Variants in ASAP2 observed in about 807,000 individuals in gnomAD.
The protein encoded by ASAP2 is arf-GAP with SH3 domain, ANK repeat and PH domain-containing protein 2.
In ASAP2, 45 loss-of-function variants were observed where a neutral mutation model predicts 131.4. That is an observed-to-expected ratio of 0.34 (90% CI 0.27 to 0.44). The LOEUF (loss-of-function observed/expected upper bound fraction) is 0.44. ASAP2 is among the 20% of genes least tolerant of loss of function. The pLI, the probability that ASAP2 is intolerant of heterozygous loss-of-function variation, is 1.00. For missense variants in ASAP2, 1,011 were observed against 1,297.0 expected (o/e 0.78, Z 3.39); for synonymous variants, 510 against 503.0 (o/e 1.01, Z -0.19).
At chr2:9,397,750 A>ATATATATTT (rs1343127000) in intron 24 of ASAP2, among the ~76,000 whole-genome samples, 9 of 44,808 alleles carry the variant, frequency 2.0e-4, no homozygotes, top group African/African-American at 1.4e-3. Context: ...ATATATATAT[A>ATATATATTT]TTTTTTTTTT....
chr2:9,210,812 T>G (rs112814147), intron 1 of ASAP2, among the ~76,000 whole-genome samples: 8,810 of 151,730 alleles, frequency 0.058, 344 homozygotes, highest in African/African-American at 0.11. Flanking sequence ...CCGCCCGCCT[T>G]GGCCTCCCAA....
chr2:9,212,473 C>T lies in ASAP2; in HGVS notation c.126+5243C>T, dbSNP rs753080062. Among the ~76,000 whole-genome samples the T allele has an allele frequency of 8.5e-4, 129 of 152,156 alleles. 1 individual carries two copies. The highest frequency in any genetic ancestry group is 2.9e-3 in the South Asian group (14 of 4,826). ...GTTCATTCTGGTCTTCTGTACCTGC[C>T]TCCCTGCCTTAGGTAAATATTGATC... On this transcript the variant is annotated intron_variant, in intron 1 of 27. Transcript: ENST00000281419.
intron 16 of ASAP2, among the ~76,000 whole-genome samples, chr2:9,371,117 C>T (rs1673916145): frequency 6.6e-6 from 1 of 152,188 alleles, no homozygotes; most frequent in African/African-American, 2.4e-5. Flanking sequence ...TATGAACGTT[C>T]TGTCTGCACT....
chr2:9,307,332 C>T (rs1669009765), intron 3 of ASAP2, among the ~76,000 whole-genome samples: 2 of 152,194 alleles, frequency 1.3e-5, no homozygotes, highest in East Asian at 1.9e-4. Flanking sequence ...CCAGTGCTTC[C>T]GACTCTCACC....
At chr2:9,287,445 A>G (rs1021378924) in intron 2 of ASAP2, among the ~76,000 whole-genome samples, 1 of 152,068 alleles carries the variant, frequency 6.6e-6, no homozygotes, top group African/African-American at 2.4e-5. Flanking sequence ...GGATGGAGAA[A>G]CCTCCTTGTA....
At chr2:9,312,788 C>T (rs1342215065) in intron 3 of ASAP2, among the ~76,000 whole-genome samples, 1 of 152,158 alleles carries the variant, frequency 6.6e-6, no homozygotes, top group Admixed American at 6.5e-5. Context: ...CTCATCCGTA[C>T]ACCCCCCTCT....
Position 9,206,947 on chromosome 2 carries a change from G to A in ASAP2, c.-158G>A, listed in dbSNP as rs1312789082. ...GGCTGCGCGCCGCCCCTGCTCCGCC[G>A]CCAGGCCCCGCGCGGCTCCCGCGCC... On this transcript the variant is annotated 5_prime_UTR_variant, in exon 1 of 28. Transcript: ENST00000281419. The surrounding 1 kb of genome is among the most constrained non-coding windows in gnomAD (Gnocchi z 4.0). 1.4e-5 allele frequency: 9 copies of A among 639,946 alleles called. No individual in the cohort carries two copies. In the East Asian group the frequency reaches 9.7e-4, roughly 69 times the overall value. The allele number at this position is 639,946 out of a possible 1,614,324, so 39.6% of individuals were successfully genotyped here. A position where few individuals can be genotyped will look rare whatever the true frequency, so the allele number is the denominator to read the frequency against.
chr2:9,238,041 G>T (rs1032344958), intron 1 of ASAP2, among the ~76,000 whole-genome samples: 5 of 152,132 alleles, frequency 3.3e-5, no homozygotes, highest in African/African-American at 1.2e-4. Flanking sequence ...CTCTTCCACA[G>T]GGAGGTGGTC....
At position 9,207,068 on chromosome 2, in the gene ASAP2, C is replaced by T; in HGVS notation, c.-37C>T. ...GCTGCGGCAGTTGAGGCGGCGGCGC[C>T]CCTGCGGCTGTGCGCCAGCGCCCTC... On this transcript the variant is annotated 5_prime_UTR_variant, in exon 1 of 28. Transcript: ENST00000281419. This position sits in a 1 kb window ranked among gnomAD's most constrained non-coding sequence, Gnocchi z 4.1. 2 of 1,503,714 alleles carry T rather than the reference C, an allele frequency of 1.3e-6. No individual in the cohort carries two copies. Among genetic ancestry groups the T allele is most frequent in the Admixed American group, 2.0e-5 (1 of 50,088 alleles). The allele number at this position is 1,503,714 out of a possible 1,614,324, so 93.1% of individuals were successfully genotyped here.
chr2:9,287,994 G>A (rs2148350092), intron 2 of ASAP2, among the ~76,000 whole-genome samples: 1 of 152,276 alleles, frequency 6.6e-6, no homozygotes, highest in South Asian at 2.1e-4. Flanking sequence ...CAGTCTGTGG[G>A]CCAACCTGCT....
intron 7 of ASAP2, 123 bp from the exon 8 acceptor site, chr2:9,334,615 A>G (rs759245436): frequency 1.3e-6 from 1 of 775,296 alleles, no homozygotes; most frequent in Non-Finnish European, 2.1e-6. Context: ...TTCTGTTCAT[A>G]CAGTCTTTTC....
chr2:9,335,925 C>T (rs1277867039), intron 9 of ASAP2: 3 of 152,154 alleles, frequency 2.0e-5, no homozygotes, highest in African/African-American at 7.2e-5. Context: ...TACTTGACAG[C>T]ATAAAGTTCC....
chr2:9,302,951 A>G (rs1668594012), intron 3 of ASAP2, among the ~76,000 whole-genome samples: 1 of 152,198 alleles, frequency 6.6e-6, no homozygotes, highest in African/African-American at 2.4e-5. Flanking sequence ...CTAGTACAGC[A>G]GGACTCTGCC....
intron 2 of ASAP2, among the ~76,000 whole-genome samples, chr2:9,288,918 C>A (rs1337850330): frequency 6.6e-6 from 1 of 152,132 alleles, no homozygotes; most frequent in East Asian, 1.9e-4. Flanking sequence ...CAGTTTTAAT[C>A]TCATGCCATA....
intron 1 of ASAP2, among the ~76,000 whole-genome samples, chr2:9,220,371 C>T (rs1045752943): frequency 5.3e-5 from 8 of 152,220 alleles, no homozygotes; most frequent in African/African-American, 1.9e-4. Context: ...GATTTCTCCA[C>T]ATCCTTGACA....
chr2:9,369,385 A>G (rs535317997), intron 16 of ASAP2, among the ~76,000 whole-genome samples: 96 of 152,334 alleles, frequency 6.3e-4, no homozygotes, highest in African/African-American at 2.3e-3. Context: ...CCATCTTATC[A>G]GAGTGTCAGT....
intron 1 of ASAP2, among the ~76,000 whole-genome samples, chr2:9,245,213 C>A (rs528867010): frequency 1.4e-4 from 21 of 152,208 alleles, no homozygotes; most frequent in Non-Finnish European, 2.5e-4. Flanking sequence ...ACAGGAGCTT[C>A]TGGTTTGAGA....
intron 1 of ASAP2, among the ~76,000 whole-genome samples, chr2:9,275,915 G>A (rs7605562): frequency 0.042 from 6,411 of 152,264 alleles, 295 homozygotes; most frequent in African/African-American, 0.11. Flanking sequence ...TTTTAACGTG[G>A]CACTTAGCCA....
intron 1 of ASAP2, among the ~76,000 whole-genome samples, chr2:9,237,102 C>T (rs1663607017): frequency 6.6e-6 from 1 of 151,936 alleles, no homozygotes; most frequent in South Asian, 2.1e-4. Flanking sequence ...GACCTCTTGG[C>T]TGTGCGGGCT....
Sources: allele counts gnomAD v4.1 joint callset (sites outside exome capture counted in the v4.1 genomes callset), GRCh38; gene constraint gnomAD v4.1.1; non-coding constraint Gnocchi (gnomAD v3.1); transcripts MANE v1.5; gene names NCBI Gene and HGNC (gene_info 2026-07-23, HGNC 2026-07-21).